MACF1: variants seen among roughly 807,000 people sequenced by gnomAD.
The protein encoded by MACF1 is microtubule actin crosslinking factor 1.
A neutral mutation model predicts 854.8 loss-of-function variants in MACF1; 193 were observed. The observed-to-expected ratio is 0.23, with a 90% CI of 0.20 to 0.25. The LOEUF is 0.25. Ranked by LOEUF, MACF1 falls within the 10% of genes least tolerant of loss-of-function variation. The pLI, the probability that MACF1 is intolerant of heterozygous loss-of-function variation, is 1.00. For missense variants in MACF1, 7,722 were observed against 8,929.1 expected, an observed-to-expected ratio of 0.86 and a Z score of 5.45; for synonymous variants, 3,185 against 3,226.7, an observed-to-expected ratio of 0.99 and a Z score of 0.44.
chr1:39,194,331 CTTTTCTTTTCTTTTCTTTTCTTT>C (rs1644290873), intron 2 of MACF1, among the ~76,000 whole-genome samples: 1 of 63,212 alleles, frequency 1.6e-5, no homozygotes. Context: ...CTTTTCTTTT[CTTTTCTTTTCTTTTCTTTTCTTT>C]TTTTTTTTTT....
At chr1:39,468,811 A>G (rs1644719797) in intron 96 of MACF1, 79 bp downstream of exon 96, 2 of 1,267,478 alleles carry the variant, frequency 1.6e-6, no homozygotes, top group Non-Finnish European at 2.3e-6. Flanking sequence ...GGAAGCATTG[A>G]TGGTGGGGTC....
At chr1:39,147,676 GGCT>G (rs1643498595) in intron 2 of MACF1, among the ~76,000 whole-genome samples, 1 of 152,022 alleles carries the variant, frequency 6.6e-6, no homozygotes, top group Admixed American at 6.6e-5. Flanking sequence ...ACACAACCAA[GGCT>G]GGTCTCGAAC....
chr1:39,195,656 A>G (rs1188965987), intron 2 of MACF1, among the ~76,000 whole-genome samples: 2 of 152,200 alleles, frequency 1.3e-5, no homozygotes, highest in Non-Finnish European at 2.9e-5. Flanking sequence ...GTCTATAGAA[A>G]TAGGAGTTTA....
Position 39,448,176 on chromosome 1 carries a change from G to T in MACF1, c.20088+24G>T, listed in dbSNP as rs747524119. On this transcript the variant is annotated intron_variant, in intron 83 of 100. Transcript: ENST00000564288. The stretch of plus-strand genomic sequence containing the variant: ...AGGTAAAGCAGTTAATTGCTCTTAG[G>T]TCCCAAGCCATAGTATTCGCTAAAG... The T allele has an allele frequency of 3.1e-6, 5 of 1,601,506 alleles. No homozygotes were observed. In the Admixed American group the frequency reaches 5.3e-5, roughly 17 times the overall value.
At position 39,239,892 on chromosome 1, in the gene MACF1, A is replaced by C. The variant is rs554507256; in HGVS notation, c.171+8649A>C. Among the ~76,000 whole-genome samples the C allele has an allele frequency of 5.1e-4, 77 of 152,184 alleles. 1 individual carries two copies. Among genetic ancestry groups the C allele is most frequent in the East Asian group, 5.8e-4 (3 of 5,180 alleles). On this transcript the variant is annotated intron_variant, in intron 2 of 100. Transcript: ENST00000564288. ...AAATTTTTAATAATGCTTACAACCA[A>C]CCCTTCCTTCCTTCCTTCCGTCCGT... is the stretch of plus-strand genomic sequence containing the variant.
intron 58 of MACF1, among the ~76,000 whole-genome samples, chr1:39,402,602 C>A (rs892812579): frequency 1.3e-5 from 2 of 152,142 alleles, no homozygotes; most frequent in African/African-American, 4.8e-5. Context: ...ACCACAGTGT[C>A]ATGGAAGTCA....
chr1:39,322,765 A>G (rs1023875675), intron 32 of MACF1, 50 bp downstream of exon 32: 1 of 1,588,360 alleles, frequency 6.3e-7, no homozygotes. Context: ...TTAAGGAAAG[A>G]TTCATTTGCC....
At chr1:39,086,257 C>T (rs995476175) in intron 2 of MACF1, among the ~76,000 whole-genome samples, 2 of 152,126 alleles carry the variant, frequency 1.3e-5, no homozygotes, top group Admixed American at 6.5e-5. Context: ...TGAGCTATAA[C>T]GGAAAGTTAG....
At chr1:39,321,399 G>A (rs139555925) in intron 31 of MACF1, among the ~76,000 whole-genome samples, 316 of 152,288 alleles carry the variant, frequency 2.1e-3, no homozygotes, top group Non-Finnish European at 3.2e-3. Flanking sequence ...ATATTTTAAT[G>A]TTCTTACTAC....
intron 40 of MACF1, among the ~76,000 whole-genome samples, chr1:39,345,645 A>G (rs1211923305): frequency 6.6e-6 from 1 of 152,146 alleles, no homozygotes; most frequent in Non-Finnish European, 1.5e-5. Flanking sequence ...TAAACAAATT[A>G]TATATTTTCT....
chr1:39,264,288 CTA>C (rs1261048795), intron 6 of MACF1, among the ~76,000 whole-genome samples: 2 of 152,122 alleles, frequency 1.3e-5, no homozygotes, highest in Non-Finnish European at 2.9e-5. Context: ...TTCAGTTTGC[CTA>C]TATTTTGCCA....
intron 6 of MACF1, among the ~76,000 whole-genome samples, chr1:39,273,977 G>A (rs902059436): frequency 1.2e-4 from 18 of 152,102 alleles, no homozygotes; most frequent in Non-Finnish European, 2.4e-4. Context: ...TTGTGGTTAT[G>A]TTTTAAAAAA....
chr1:39,213,130 C>G (rs1011695618), intron 1 of MACF1, among the ~76,000 whole-genome samples: 1 of 152,166 alleles, frequency 6.6e-6, no homozygotes, highest in South Asian at 2.1e-4. Flanking sequence ...GAATTTTTAT[C>G]TCTAAAATGG....
chr1:39,127,094 C>T (rs771173480), intron 2 of MACF1, among the ~76,000 whole-genome samples: 34 of 150,598 alleles, frequency 2.3e-4, no homozygotes, highest in Non-Finnish European at 4.0e-4. Flanking sequence ...TGGTAGTACA[C>T]GCCTGTAATC....
Position 39,442,821 on chromosome 1 carries a change from G to T in MACF1, c.19212G>T (p.Arg6404Ser), listed in dbSNP as rs1297271610. ...SSAGDDASSL[R>S]SRLEAMNQCW... ...CTGGAGATGATGCCAGCAGCTTAAG[G>T]AGCCGTTTGGAAGCCATGAACCAAT... The change falls in exon 78 of 101, where the codon AGG (arginine) becomes AGT (serine). Residue 6404 changes from arginine to serine, a missense_variant. By Grantham distance (110) the Arg-to-Ser change is moderately radical (BLOSUM62 -1). Around this residue, in one of 15 missense-constraint regions of MACF1, gnomAD observed 729 missense variants for 900.5 expected, o/e 0.81. Transcript: ENST00000564288. The T allele has an allele frequency of 6.2e-7, 1 of 1,614,122 alleles. No homozygotes were observed. The highest frequency in any genetic ancestry group is 8.5e-7 in the Non-Finnish European group (1 of 1,179,988).
chr1:39,200,084 T>C (rs989201821), upstream of MACF1, among the ~76,000 whole-genome samples: 5 of 152,204 alleles, frequency 3.3e-5, no homozygotes, highest in Non-Finnish European at 7.3e-5. Context: ...TTCTCTACCA[T>C]GCCATCAAAA....
intron 66 of MACF1, among the ~76,000 whole-genome samples, chr1:39,431,709 C>T (rs1237910448): frequency 6.6e-6 from 1 of 152,176 alleles, no homozygotes; most frequent in East Asian, 1.9e-4. Context: ...AGACTGGGCT[C>T]ACACCTGTAG....
chr1:39,422,737 A>G lies in MACF1; in HGVS notation c.15986A>G (p.Gln5329Arg), dbSNP rs200491748. 29 of 1,613,950 alleles carry G rather than the reference A, an allele frequency of 1.8e-5. No individual in the cohort carries two copies. Among genetic ancestry groups the G allele is most frequent in the Non-Finnish European group, 2.3e-5 (27 of 1,179,790 alleles). ...RWNTLNKKVAQRIAQLQEALL... is the reference protein window; with the variant it reads ...RWNTLNKKVARRIAQLQEALL... ...TACATGTTCATGATACAGGTCGCAC[A>G]AAGAATTGCACAGCTACAGGAAGCT... is the stretch of plus-strand genomic sequence containing the variant. The change falls in exon 60 of 101, where the codon CAA becomes CGA. Residue 5329 changes from glutamine to arginine, a missense_variant. Around this residue, in one of 15 missense-constraint regions of MACF1, gnomAD observed 2,807 missense variants for 3,235.8 expected, o/e 0.87. Transcript: ENST00000564288.
chr1:39,261,703 G>A (rs997829351), intron 6 of MACF1, among the ~76,000 whole-genome samples: 1 of 151,992 alleles, frequency 6.6e-6, no homozygotes, highest in Non-Finnish European at 1.5e-5. Context: ...TAAATATTAA[G>A]CCAGTTGATA....
Sources: gnomAD v4.1 joint callset for allele counts (sites outside exome capture counted in the v4.1 genomes callset) on GRCh38, gnomAD v4.1.1 for gene constraint, gnomAD v4.1.1 regional missense constraint, MANE v1.5 for transcripts, NCBI Gene and HGNC (gene_info 2026-07-23, HGNC 2026-07-21) for gene names.